The following ST6GALNAC5 variants were observed in gnomAD, a reference collection of about 807,000 sequenced individuals.
ST6GALNAC5 encodes alpha-N-acetylgalactosaminide alpha-2,6-sialyltransferase 5.
A neutral mutation model predicts 33.6 loss-of-function variants in ST6GALNAC5; 27 were observed. That is an observed-to-expected ratio of 0.80 (90% CI 0.59 to 1.11). The LOEUF (loss-of-function observed/expected upper bound fraction) is 1.11, where lower values mean the gene tolerates loss of function less well. ST6GALNAC5 is among the 50% of genes least tolerant of loss of function. ST6GALNAC5 has a pLI of 0.00. For synonymous variants in ST6GALNAC5, 194 were observed against 171.2 expected (o/e 1.13, Z -1.04); for missense variants, 428 against 454.0 (o/e 0.94, Z 0.52).
chr1:77,051,337 C>T (rs1478676183), intron 4 of ST6GALNAC5, among the ~76,000 whole-genome samples: 2 of 152,124 alleles, frequency 1.3e-5, no homozygotes, highest in African/African-American at 4.8e-5. Context: ...AGCAACAATA[C>T]TAATTGATAT....
At chr1:77,062,148 C>T (rs1652599082) in intron 4 of ST6GALNAC5, among the ~76,000 whole-genome samples, 1 of 152,152 alleles carries the variant, frequency 6.6e-6, no homozygotes, top group South Asian at 2.1e-4. Context: ...CTTTCAACAA[C>T]ATAATTTTTA....
At chr1:77,047,398 A>G (rs1334909734) in intron 3 of ST6GALNAC5, among the ~76,000 whole-genome samples, 2 of 152,226 alleles carry the variant, frequency 1.3e-5, no homozygotes, top group Non-Finnish European at 2.9e-5. Flanking sequence ...CAAACCCAAC[A>G]AAACAGTAGC....
chr1:76,952,023 C>T (rs1015394944), intron 2 of ST6GALNAC5, among the ~76,000 whole-genome samples: 1 of 152,124 alleles, frequency 6.6e-6, no homozygotes, highest in Non-Finnish European at 1.5e-5. Context: ...TAATAGACCA[C>T]CACTATTTTT....
intron 2 of ST6GALNAC5, among the ~76,000 whole-genome samples, chr1:76,981,294 G>A (rs1044056874): frequency 1.3e-5 from 2 of 152,204 alleles, no homozygotes; most frequent in African/African-American, 4.8e-5. Context: ...CAAATACTGT[G>A]CTTTTCCCAA....
In ST6GALNAC5 at chr1:77,063,173, T is replaced by C. The variant is rs767414891; in HGVS notation, c.978T>C (p.Ala326=). 2 of 1,613,732 alleles carry C rather than the reference T, an allele frequency of 1.2e-6. No homozygotes were observed. The highest frequency in any genetic ancestry group is 2.2e-5 in the South Asian group (2 of 91,056). Residue 326 remains alanine (A), a synonymous_variant, in exon 5 of 5, where the codon GCT becomes GCC. Coordinates refer to ENST00000477717, the MANE Select transcript of ST6GALNAC5 (RefSeq NM_030965.3). ...CAGACTGGAAACCAGAATCACTTGCTATAAATCATCCTGAGAATAAACCTG... is the reference window on the plus strand; with the variant it reads ...CAGACTGGAAACCAGAATCACTTGCCATAAATCATCCTGAGAATAAACCTG... ...FQPDWKPESL[A]INHPENKPVF
At chr1:76,954,858 A>T (rs1248091869) in intron 2 of ST6GALNAC5, among the ~76,000 whole-genome samples, 1 of 152,158 alleles carries the variant, frequency 6.6e-6, no homozygotes, top group Non-Finnish European at 1.5e-5. Flanking sequence ...AGCTTTGAGG[A>T]AATGCCTTAT....
intron 2 of ST6GALNAC5, among the ~76,000 whole-genome samples, chr1:76,932,046 G>A (rs554920061): frequency 6.6e-6 from 1 of 152,258 alleles, no homozygotes; most frequent in South Asian, 2.1e-4. Context: ...ATTGACTTCA[G>A]CAAGGTGGAG....
intron 2 of ST6GALNAC5, among the ~76,000 whole-genome samples, chr1:76,904,761 G>A (rs1557716939): frequency 6.6e-6 from 1 of 151,976 alleles, no homozygotes; most frequent in Admixed American, 6.6e-5. Flanking sequence ...GGAGGCAGAG[G>A]TTGCAGTAAG....
At chr1:76,942,742 G>A (rs543181278) in intron 2 of ST6GALNAC5, among the ~76,000 whole-genome samples, 59 of 152,168 alleles carry the variant, frequency 3.9e-4, no homozygotes, top group Non-Finnish European at 6.2e-4. Context: ...AAGGCAGCTG[G>A]ATGAGGTCAT....
At chr1:76,944,111 A>C (rs1457717576) in intron 2 of ST6GALNAC5, among the ~76,000 whole-genome samples, 1 of 152,224 alleles carries the variant, frequency 6.6e-6, no homozygotes, top group East Asian at 1.9e-4. Context: ...CCAATGCAAT[A>C]GTTTTCATTC....
At chr1:77,011,801 A>G (rs532977247) in intron 2 of ST6GALNAC5, among the ~76,000 whole-genome samples, 1 of 152,216 alleles carries the variant, frequency 6.6e-6, no homozygotes, top group Non-Finnish European at 1.5e-5. Flanking sequence ...TTTGATAGTA[A>G]CATTTTTATT....
intron 2 of ST6GALNAC5, among the ~76,000 whole-genome samples, chr1:77,033,492 T>C (rs951531479): frequency 4.6e-5 from 7 of 152,138 alleles, no homozygotes; most frequent in African/African-American, 1.7e-4. Flanking sequence ...AAGGAGAGAA[T>C]GGTGGAACTT....
chr1:77,049,952 A>G (rs1652165403), intron 3 of ST6GALNAC5, among the ~76,000 whole-genome samples: 1 of 152,204 alleles, frequency 6.6e-6, no homozygotes, highest in South Asian at 2.1e-4. Flanking sequence ...TAAGAAATTG[A>G]GTTGTGGTAA....
intron 2 of ST6GALNAC5, among the ~76,000 whole-genome samples, chr1:77,006,253 C>A (rs554049227): frequency 2.4e-4 from 37 of 151,844 alleles, no homozygotes; most frequent in African/African-American, 5.6e-4. Flanking sequence ...CTCCTAGGCC[C>A]AAGCAATACT....
chr1:77,027,361 C>T (rs1017577506), intron 2 of ST6GALNAC5, among the ~76,000 whole-genome samples: 3 of 152,112 alleles, frequency 2.0e-5, no homozygotes, highest in South Asian at 4.1e-4. Flanking sequence ...GCTGGAAGTG[C>T]GAGCTTAAGA....
At chr1:76,987,180 TAAAC>T (rs1309521395) in intron 2 of ST6GALNAC5, among the ~76,000 whole-genome samples, 3 of 151,754 alleles carry the variant, frequency 2.0e-5, no homozygotes, top group East Asian at 3.9e-4. Flanking sequence ...TAAAAGCAAA[TAAAC>T]AAATAAACAA....
chr1:76,868,688 G>C lies in ST6GALNAC5; in HGVS notation c.207G>C (p.Gly69=), dbSNP rs553930712. Residue 69 remains glycine (G), a synonymous_variant, in exon 2 of 5, where the codon GGG becomes GGC. Coordinates refer to ENST00000477717, the MANE Select transcript of ST6GALNAC5 (RefSeq NM_030965.3). This position sits in a 1 kb window ranked among gnomAD's most constrained non-coding sequence, Gnocchi z 4.3. ...AGAGCAGCACCCAGCAGCGCCCCGG[G>C]GTCCCCGCGGGACCGCGGCCACTGG... ...AAESSTQQRP[G]VPAGPRPLDG... 1.1e-4 allele frequency: 175 copies of C among 1,551,132 alleles called. 2 individuals are homozygous for C. In the South Asian group the frequency reaches 1.9e-3, roughly 17 times the overall value.
chr1:76,926,112 A>G (rs551760186), intron 2 of ST6GALNAC5, among the ~76,000 whole-genome samples: 1 of 152,312 alleles, frequency 6.6e-6, no homozygotes, highest in East Asian at 1.9e-4. Context: ...CAGCAATTCC[A>G]TGGCTCTTCT....
In ST6GALNAC5 at chr1:76,868,696, C is replaced by G; in HGVS notation, c.215C>G (p.Ala72Gly). The G allele has an allele frequency of 6.5e-7, 1 of 1,538,936 alleles. No individual in the cohort carries two copies. The highest frequency in any genetic ancestry group is 8.7e-7 in the Non-Finnish European group (1 of 1,143,260). ...ACCCAGCAGCGCCCCGGGGTCCCCGCGGGACCGCGGCCACTGGACGGATAC... is the reference window on the plus strand; with the variant it reads ...ACCCAGCAGCGCCCCGGGGTCCCCGGGGGACCGCGGCCACTGGACGGATAC... Reference protein sequence around the residue: ...SSTQQRPGVPAGPRPLDGYLG... With the variant: ...SSTQQRPGVPGGPRPLDGYLG... Residue 72 changes from alanine (A) to glycine (G), a missense_variant, in exon 2 of 5, where the codon GCG (alanine) becomes GGG (glycine). Ala to Gly is a moderately conservative substitution (Grantham distance 60). Coordinates refer to ENST00000477717, the MANE Select transcript of ST6GALNAC5 (RefSeq NM_030965.3). This position sits in a 1 kb window ranked among gnomAD's most constrained non-coding sequence, Gnocchi z 4.3.
Sources: allele counts gnomAD v4.1 joint callset (sites outside exome capture counted in the v4.1 genomes callset), GRCh38; gene constraint gnomAD v4.1.1; non-coding constraint Gnocchi (gnomAD v3.1); transcripts MANE v1.5; gene names NCBI Gene and HGNC (gene_info 2026-07-23, HGNC 2026-07-21).